MAML1: variants seen among roughly 807,000 people sequenced by gnomAD.
MAML1 encodes the protein mastermind-like protein 1.
A neutral mutation model predicts 77.1 loss-of-function variants in MAML1; 14 were observed. The observed-to-expected ratio is 0.18, with a 90% confidence interval of 0.12 to 0.28. The LOEUF (loss-of-function observed/expected upper bound fraction) is 0.28, where lower values mean the gene tolerates loss of function less well. Ranked by LOEUF, MAML1 falls within the 10% of genes least tolerant of loss-of-function variation. The pLI, the probability that MAML1 is intolerant of heterozygous loss-of-function variation, is 1.00. For synonymous variants in MAML1, 516 were observed against 551.9 expected (o/e 0.93, Z 0.91); for missense variants, 1,217 against 1,327.8 (o/e 0.92, Z 1.30).
At chr5:179,739,876 C>G (rs1350938357) in intron 1 of MAML1, among the ~76,000 whole-genome samples, 1 of 152,058 alleles carries the variant, frequency 6.6e-6, no homozygotes, top group Non-Finnish European at 1.5e-5. Context: ...GGGCAGGGGT[C>G]TTAGAACCAA....
At chr5:179,751,250 G>T (rs1399780393) in intron 1 of MAML1, among the ~76,000 whole-genome samples, 1 of 152,114 alleles carries the variant, frequency 6.6e-6, no homozygotes, top group Non-Finnish European at 1.5e-5. Context: ...TGGGATTACA[G>T]GCGTGAGCCA....
intron 1 of MAML1, among the ~76,000 whole-genome samples, chr5:179,752,533 C>G (rs1420697545): frequency 1.6e-5 from 2 of 124,886 alleles, no homozygotes; most frequent in Non-Finnish European, 3.4e-5. Flanking sequence ...TGGCATATTT[C>G]TATTAGTGCT....
intron 1 of MAML1, among the ~76,000 whole-genome samples, chr5:179,734,747 C>T (rs1413670152): frequency 6.6e-6 from 1 of 152,058 alleles, no homozygotes; most frequent in Non-Finnish European, 1.5e-5. Flanking sequence ...CCTCAATCCT[C>T]CCGCCTCAGC....
Position 179,774,725 on chromosome 5 carries a change from G to A in MAML1, c.2899G>A (p.Gly967Ser), listed in dbSNP as rs1276269580. Residue 967 changes from glycine (G) to serine (S), a missense_variant, in exon 5 of 5, where the codon GGC becomes AGC. Physicochemically the swap from Gly to Ser is moderately conservative, Grantham distance 56 (BLOSUM62 0). This residue lies in a region of MAML1 where 884 missense variants were observed against 949.3 expected (regional missense o/e 0.93). Transcript: ENST00000292599. ...CCAGGCCTACCCTGTGCGGACCGCG[G>A]GCCAGGAGCTGCCTTTTGCCTATAG... ...CTQAYPVRTAGQELPFAYSGQ... is the reference protein window; with the variant it reads ...CTQAYPVRTASQELPFAYSGQ... 6.2e-7 allele frequency: 1 copy of A among 1,611,452 alleles called. No homozygotes were observed. The highest frequency in any genetic ancestry group is 8.5e-7 in the Non-Finnish European group (1 of 1,180,020).
chr5:179,748,956 T>G (rs554225685), intron 1 of MAML1, among the ~76,000 whole-genome samples: 6 of 113,776 alleles, frequency 5.3e-5, no homozygotes, highest in East Asian at 3.0e-4. Flanking sequence ...TTTTGTTTTT[T>G]TTTTTTTTGT....
In MAML1 at chr5:179,774,643, G is replaced by A. The variant is rs775764590; in HGVS notation, c.2817G>A (p.Gly939=). ...PGLSPAGPEL[G]AFSQSPASQM... ...TGAGCCCAGCAGGGCCTGAGCTGGGGGCCTTCAGCCAGAGCCCTGCCTCAC... is the reference window on the plus strand; with the variant it reads ...TGAGCCCAGCAGGGCCTGAGCTGGGAGCCTTCAGCCAGAGCCCTGCCTCAC... Residue 939 remains glycine (G), a synonymous_variant, in exon 5 of 5, where the codon GGG becomes GGA. Transcript: ENST00000292599. The A allele has an allele frequency of 6.2e-7, 1 of 1,611,014 alleles. No individual in the cohort carries two copies. The highest frequency in any genetic ancestry group is 1.1e-5 in the South Asian group (1 of 90,990).
Position 179,768,874 on chromosome 5 carries a change from G to C in MAML1, c.1756G>C (p.Val586Leu), listed in dbSNP as rs756155982. Residue 586 changes from valine to leucine, a missense_variant, in exon 3 of 5, where the codon GTG becomes CTG. Physicochemically the swap from Val to Leu is conservative, Grantham distance 32. Around this residue, in one of 3 missense-constraint regions of MAML1, gnomAD observed 884 missense variants for 949.3 expected, o/e 0.93. Transcript: ENST00000292599. ...GGAGCAGAACCCTTCCAGTGTCCCTGTGCAAGCCCAGGCTACCAGTGTTGG... is the reference window on the plus strand; with the variant it reads ...GGAGCAGAACCCTTCCAGTGTCCCTCTGCAAGCCCAGGCTACCAGTGTTGG... ...GQEQNPSSVP[V>L]QAQATSVGTQ... The C allele has an allele frequency of 6.2e-7, 1 of 1,614,196 alleles. No individual in the cohort carries two copies. The highest frequency in any genetic ancestry group is 1.3e-5 in the African/African-American group (1 of 75,046).
intron 1 of MAML1, among the ~76,000 whole-genome samples, chr5:179,734,510 C>T (rs1000543646): frequency 5.3e-5 from 8 of 152,188 alleles, no homozygotes; most frequent in African/African-American, 1.4e-4. Context: ...TCCACACTAG[C>T]CTCGATTGCT....
chr5:179,737,890 G>A (rs1442424926), intron 1 of MAML1, among the ~76,000 whole-genome samples: 2 of 93,924 alleles, frequency 2.1e-5, no homozygotes, highest in African/African-American at 5.9e-5. Flanking sequence ...TTGAACTGCT[G>A]GGCTCCAGGG....
intron 1 of MAML1, among the ~76,000 whole-genome samples, chr5:179,760,884 G>T (rs1388928525): frequency 1.3e-5 from 2 of 152,056 alleles, no homozygotes; most frequent in African/African-American, 4.8e-5. Flanking sequence ...AAGGTCAGGA[G>T]ATCGAGACCA....
intron 1 of MAML1, among the ~76,000 whole-genome samples, chr5:179,745,927 G>A (rs966612113): frequency 2.0e-5 from 3 of 150,896 alleles, no homozygotes; most frequent in Admixed American, 6.6e-5. Context: ...CCAGCTACTC[G>A]GGAGGCTGAG....
chr5:179,757,237 G>A (rs1415746940), intron 1 of MAML1, among the ~76,000 whole-genome samples: 3 of 152,128 alleles, frequency 2.0e-5, no homozygotes, highest in Non-Finnish European at 4.4e-5. Context: ...GCCCCTGAGA[G>A]CGTCTCCTTG....
chr5:179,755,447 G>A (rs1278588847), intron 1 of MAML1, among the ~76,000 whole-genome samples: 1 of 152,260 alleles, frequency 6.6e-6, no homozygotes, highest in Non-Finnish European at 1.5e-5. Context: ...TGCAGAGAAA[G>A]TGAACATGTA....
chr5:179,773,594 C>T lies in MAML1; in HGVS notation c.2069-301C>T, dbSNP rs74556129. ...TTGCGTTGGGTCCACCTCAGAGTCC[C>T]CGGTGCCCACCACAGGGTCCCCACA... On this transcript the variant is annotated intron_variant, in intron 4 of 4. Coordinates refer to ENST00000292599, the MANE Select transcript of MAML1 (RefSeq NM_014757.5). The T allele has an allele frequency of 7.0e-3, 2,081 of 297,424 alleles. 38 individuals carry two copies. The highest frequency in any genetic ancestry group is 0.045 in the African/African-American group (1,978 of 44,130). 18.4% of individuals were successfully genotyped at this position (297,424 alleles called of 1,614,324 possible). A position where few individuals can be genotyped will look rare whatever the true frequency, so the allele number is the denominator to read the frequency against.
chr5:179,776,206 G>C lies in MAML1; in HGVS notation c.*1329G>C, dbSNP rs1245170142. On this transcript the variant is annotated 3_prime_UTR_variant, in exon 5 of 5. Coordinates refer to ENST00000292599, the MANE Select transcript of MAML1 (RefSeq NM_014757.5). Reference sequence around the variant, plus strand: ...TTTACACAGAATGGTGGAGAGAAAAGAGAATGCTGAAAAGTGGCTCAGATG... The same window carrying C: ...TTTACACAGAATGGTGGAGAGAAAACAGAATGCTGAAAAGTGGCTCAGATG... 1.0e-6 allele frequency: 1 copy of C among 985,828 alleles called. No individual in the cohort carries two copies. Among genetic ancestry groups the C allele is most frequent in the Non-Finnish European group, 1.2e-6 (1 of 829,976 alleles). 61.1% of individuals were successfully genotyped at this position (985,828 alleles called of 1,614,324 possible).
At chr5:179,761,759 G>A (rs1048824905) in intron 1 of MAML1, among the ~76,000 whole-genome samples, 1 of 152,144 alleles carries the variant, frequency 6.6e-6, no homozygotes, top group Non-Finnish European at 1.5e-5. Context: ...AGGGAGTGCA[G>A]GGAGAGAGGG....
chr5:179,756,441 A>C (rs1779619564), intron 1 of MAML1, among the ~76,000 whole-genome samples: 1 of 151,694 alleles, frequency 6.6e-6, no homozygotes, highest in African/African-American at 2.4e-5. Context: ...TCTCAAAAAA[A>C]AAAAAAAAAA....
At chr5:179,760,487 C>T (rs1779705406) in intron 1 of MAML1, among the ~76,000 whole-genome samples, 1 of 152,126 alleles carries the variant, frequency 6.6e-6, no homozygotes, top group East Asian at 1.9e-4. Context: ...TGTAAGCCAG[C>T]CGCATGACCC....
chr5:179,765,032 T>G (rs1394598944), intron 1 of MAML1, among the ~76,000 whole-genome samples: 1 of 148,350 alleles, frequency 6.7e-6, no homozygotes, highest in African/African-American at 2.4e-5. Context: ...CTCTCTGGCA[T>G]TTTTTTGTTG....
Sources: allele counts gnomAD v4.1 joint callset (sites outside exome capture counted in the v4.1 genomes callset), GRCh38; gene constraint gnomAD v4.1.1; regional missense constraint gnomAD v4.1.1; transcripts MANE v1.5; gene names NCBI Gene and HGNC (gene_info 2026-07-23, HGNC 2026-07-21).